Variants in CHODL observed in about 807,000 individuals in gnomAD.
CHODL encodes transmembrane protein MT75.
CHODL carries 29 observed loss-of-function variants against 34.5 expected under a neutral mutation model. That is an observed-to-expected ratio of 0.84 (90% CI 0.63 to 1.15). CHODL has a LOEUF of 1.15. CHODL is among the 50% of genes most tolerant of loss of function. The pLI, the probability that CHODL is intolerant of heterozygous loss-of-function variation, is 0.00. For synonymous variants in CHODL, 125 were observed against 116.1 expected (o/e 1.08, Z -0.49); for missense variants, 332 against 332.5 (o/e 1.00, Z 0.01).
intron 2 of CHODL, among the ~76,000 whole-genome samples, chr21:18,213,342 C>T (rs1257097816): frequency 6.6e-6 from 1 of 152,024 alleles, no homozygotes; most frequent in African/African-American, 2.4e-5. Context: ...CTTTCCTGAC[C>T]TAGAATCCAA....
At chr21:18,096,045 A>T (rs1385985715) in intron 2 of CHODL, among the ~76,000 whole-genome samples, 1 of 152,312 alleles carries the variant, frequency 6.6e-6, no homozygotes, top group African/African-American at 2.4e-5. Context: ...TGAAGATTTC[A>T]TGGACATTAA....
intron 1 of CHODL, among the ~76,000 whole-genome samples, chr21:18,251,854 T>C (rs1212438961): frequency 6.7e-6 from 1 of 150,178 alleles, no homozygotes; most frequent in African/African-American, 2.4e-5. Context: ...TTCAGTGCAA[T>C]CTATACGACA....
intron 2 of CHODL, among the ~76,000 whole-genome samples, chr21:18,194,883 A>C (rs2073564265): frequency 6.6e-6 from 1 of 152,070 alleles, no homozygotes; most frequent in African/African-American, 2.4e-5. Context: ...GTTTTGAAGT[A>C]TGTATATATT....
At chr21:18,097,918 C>A (rs1453289406) in intron 2 of CHODL, among the ~76,000 whole-genome samples, 2 of 151,934 alleles carry the variant, frequency 1.3e-5, no homozygotes, top group Non-Finnish European at 2.9e-5. Flanking sequence ...AATTCACACA[C>A]CTGCAGTAAA....
At chr21:18,053,650 A>G (rs2146472618) in intron 2 of CHODL, among the ~76,000 whole-genome samples, 1 of 152,024 alleles carries the variant, frequency 6.6e-6, no homozygotes, top group Admixed American at 6.6e-5. Context: ...GTCTATATTT[A>G]TTTCTTAATA....
chr21:18,207,746 A>T (rs921648406), intron 2 of CHODL, among the ~76,000 whole-genome samples: 3 of 142,822 alleles, frequency 2.1e-5, no homozygotes, highest in South Asian at 2.2e-4. Flanking sequence ...GTATTATAGG[A>T]TAAAATTTTT....
At chr21:18,084,165 C>T (rs1410917851) in intron 2 of CHODL, among the ~76,000 whole-genome samples, 1 of 152,160 alleles carries the variant, frequency 6.6e-6, no homozygotes, top group Non-Finnish European at 1.5e-5. Flanking sequence ...GGCACAGCTC[C>T]TTTCTCTAAC....
chr21:17,971,320 C>T (rs2063612597), intron 1 of CHODL, among the ~76,000 whole-genome samples: 1 of 152,210 alleles, frequency 6.6e-6, no homozygotes, highest in Non-Finnish European at 1.5e-5. Context: ...CTGTCTTCCA[C>T]AATAGTTGAA....
chr21:18,178,828 A>C (rs1458953022), intron 2 of CHODL, among the ~76,000 whole-genome samples: 3 of 152,158 alleles, frequency 2.0e-5, no homozygotes, highest in Admixed American at 6.5e-5. Context: ...TGTGTTGTTT[A>C]AGCATCAACC....
intron 1 of CHODL, among the ~76,000 whole-genome samples, chr21:18,249,905 C>T (rs1286341103): frequency 1.3e-5 from 2 of 152,142 alleles, no homozygotes; most frequent in Admixed American, 1.3e-4. Flanking sequence ...AGGAGCTCAG[C>T]TTGGCAAGCC....
intron 1 of CHODL, among the ~76,000 whole-genome samples, chr21:17,933,493 T>C (rs1024270691): frequency 2.6e-5 from 4 of 152,326 alleles, no homozygotes; most frequent in South Asian, 2.1e-4. Context: ...ACATCTTGCA[T>C]AGCCCTTAAT....
intron 2 of CHODL, among the ~76,000 whole-genome samples, chr21:18,226,760 A>G (rs931304583): frequency 6.6e-6 from 1 of 152,152 alleles, no homozygotes; most frequent in Non-Finnish European, 1.5e-5. Flanking sequence ...TAAAGTAAAT[A>G]TATGGATTAA....
chr21:18,134,560 C>T (rs2072697353), intron 2 of CHODL, among the ~76,000 whole-genome samples: 1 of 152,178 alleles, frequency 6.6e-6, no homozygotes, highest in Non-Finnish European at 1.5e-5. Flanking sequence ...GGCTGAGGAA[C>T]AATGAAAGAT....
At chr21:18,192,153 TTCTCTGCTTCTCCCACTCAGCCTTG>T (rs2073518513) in intron 2 of CHODL, among the ~76,000 whole-genome samples, 1 of 152,166 alleles carries the variant, frequency 6.6e-6, no homozygotes, top group Non-Finnish European at 1.5e-5. Flanking sequence ...GGAGGATCCT[TTCTCTGCTTCTCCCACTCAGCCTTG>T]GAACTTGACT....
chr21:17,924,293 G>A (rs781572595), intron 1 of CHODL, among the ~76,000 whole-genome samples: 20 of 152,252 alleles, frequency 1.3e-4, no homozygotes, highest in Admixed American at 3.3e-4. Context: ...TGGGCAGCCA[G>A]AAGCCCAAGG....
intron 2 of CHODL, among the ~76,000 whole-genome samples, chr21:18,218,669 G>T (rs1333854673): frequency 6.6e-6 from 1 of 152,054 alleles, no homozygotes; most frequent in Non-Finnish European, 1.5e-5. Context: ...TCGTTGCCAG[G>T]CTGCAAAAAT....
chr21:18,014,096 C>G (rs1273313087), intron 1 of CHODL, among the ~76,000 whole-genome samples: 1 of 152,062 alleles, frequency 6.6e-6, no homozygotes, highest in Admixed American at 6.5e-5. Context: ...GTAGGTTACT[C>G]CCTTCAAAGA....
upstream of CHODL, among the ~76,000 whole-genome samples, chr21:18,243,176 T>C (rs963649049): frequency 3.3e-5 from 5 of 152,330 alleles, no homozygotes; most frequent in African/African-American, 1.2e-4. Context: ...TGACACTTGA[T>C]TCATCCTTCC....
rs2074320897 is a variant in CHODL, at chr21:18,256,741, G to T, written c.312G>T (p.Trp104Cys). 1 of 1,614,000 alleles carries T rather than the reference G, an allele frequency of 6.2e-7. No individual in the cohort carries two copies. Among genetic ancestry groups the T allele is most frequent in the African/African-American group, 1.3e-5 (1 of 74,908 alleles). The change falls in exon 2 of 6, where the codon TGG becomes TGT. Residue 104 changes from tryptophan (W) to cysteine (C), a missense_variant. By Grantham distance (215) the Trp-to-Cys change is radical. Coordinates refer to ENST00000299295, the MANE Select transcript of CHODL (RefSeq NM_024944.3). ...ISDGDFWIGL[W>C]RNGDGQTSGA... ...ATGGTGATTTCTGGATAGGGCTTTG[G>T]AGGAATGGAGATGGGCAAACATCTG...
Sources: allele counts gnomAD v4.1 joint callset (sites outside exome capture counted in the v4.1 genomes callset), GRCh38; gene constraint gnomAD v4.1.1; transcripts MANE v1.5; gene names NCBI Gene and HGNC (gene_info 2026-07-23, HGNC 2026-07-21).